WWOX: variants seen among roughly 807,000 people sequenced by gnomAD.
The protein encoded by WWOX is WW domain containing oxidoreductase.
WWOX carries 69 observed loss-of-function variants against 46.2 expected under a neutral mutation model. That is an observed-to-expected ratio of 1.49 (90% CI 1.23 to 1.82). The LOEUF (loss-of-function observed/expected upper bound fraction) is 1.82, where lower values mean the gene tolerates loss of function less well. WWOX is among the 40% of genes most tolerant of loss of function. WWOX has a pLI of 0.00. For missense variants in WWOX, 919 were observed against 542.6 expected, an observed-to-expected ratio of 1.69 and a Z score of -6.89; for synonymous variants, 359 against 202.6, an observed-to-expected ratio of 1.77 and a Z score of -6.56.
At chr16:79,062,366 T>C (rs2048371368) in intron 8 of WWOX, among the ~76,000 whole-genome samples, 1 of 152,328 alleles carries the variant, frequency 6.6e-6, no homozygotes, top group South Asian at 2.1e-4. Flanking sequence ...GACCTCATAA[T>C]AGTCGTGGAG....
chr16:78,191,832 A>G (rs1439794486), intron 5 of WWOX, among the ~76,000 whole-genome samples: 1 of 152,220 alleles, frequency 6.6e-6, no homozygotes, highest in Non-Finnish European at 1.5e-5. Context: ...TTTACAGGAT[A>G]TTTGATCATA....
At chr16:78,955,810 G>T (rs1474184993) in intron 8 of WWOX, among the ~76,000 whole-genome samples, 1 of 149,702 alleles carries the variant, frequency 6.7e-6, no homozygotes, top group Non-Finnish European at 1.5e-5. Context: ...ACCACCTCTG[G>T]CTAATTTATT....
At chr16:78,431,869 A>G (rs1177870581) in intron 7 of WWOX, among the ~76,000 whole-genome samples, 2 of 152,044 alleles carry the variant, frequency 1.3e-5, no homozygotes, top group Non-Finnish European at 2.9e-5. Context: ...GGCATGTGCC[A>G]AAATACTCAA....
intron 5 of WWOX, among the ~76,000 whole-genome samples, chr16:78,227,754 G>A (rs1190817978): frequency 6.6e-6 from 1 of 152,112 alleles, no homozygotes; most frequent in Non-Finnish European, 1.5e-5. Flanking sequence ...GCGCAAACCT[G>A]TAATCCCAGC....
At chr16:78,267,217 A>T (rs1423292038) in intron 5 of WWOX, 1 of 152,230 alleles carries the variant, frequency 6.6e-6, no homozygotes, top group Non-Finnish European at 1.5e-5. Context: ...ACATAGACAC[A>T]TACACACATG....
intron 8 of WWOX, among the ~76,000 whole-genome samples, chr16:78,731,663 G>C (rs970256548): frequency 6.6e-6 from 1 of 152,090 alleles, no homozygotes; most frequent in Admixed American, 6.6e-5. Context: ...AAGTACTCAT[G>C]TGTATGATCA....
At chr16:79,170,964 A>G (rs1597442807) in intron 8 of WWOX, among the ~76,000 whole-genome samples, 1 of 152,192 alleles carries the variant, frequency 6.6e-6, no homozygotes, top group African/African-American at 2.4e-5. Flanking sequence ...TCCTGCATGC[A>G]CACTCCCCAA....
chr16:79,185,918 G>A (rs1328812041), intron 8 of WWOX, among the ~76,000 whole-genome samples: 1 of 151,912 alleles, frequency 6.6e-6, no homozygotes, highest in African/African-American at 2.4e-5. Context: ...ATACGGTAAG[G>A]CATACATTTA....
At chr16:78,933,559 T>G (rs1442867761) in intron 8 of WWOX, among the ~76,000 whole-genome samples, 2 of 152,210 alleles carry the variant, frequency 1.3e-5, no homozygotes, top group Non-Finnish European at 2.9e-5. Flanking sequence ...CTTTAAGACA[T>G]GAATTAGCCC....
At chr16:79,132,687 C>T (rs2049905011) in intron 8 of WWOX, among the ~76,000 whole-genome samples, 1 of 151,700 alleles carries the variant, frequency 6.6e-6, no homozygotes, top group African/African-American at 2.4e-5. Context: ...TATATTGTCG[C>T]TTAAAAAAAA....
At chr16:78,762,206 C>T (rs1045850027) in intron 8 of WWOX, among the ~76,000 whole-genome samples, 1 of 152,160 alleles carries the variant, frequency 6.6e-6, no homozygotes, top group Admixed American at 6.5e-5. Flanking sequence ...CCAGGAATTT[C>T]CTCAGCCAAG....
intron 8 of WWOX, among the ~76,000 whole-genome samples, chr16:78,573,095 C>G (rs923960029): frequency 1.3e-5 from 2 of 152,088 alleles, no homozygotes; most frequent in African/African-American, 4.8e-5. Flanking sequence ...ACCACCCTGG[C>G]TAACATGATG....
chr16:79,129,140 G>C (rs769383336), intron 8 of WWOX, among the ~76,000 whole-genome samples: 2 of 151,990 alleles, frequency 1.3e-5, no homozygotes, highest in Non-Finnish European at 2.9e-5. Context: ...GTTGCCTCCT[G>C]TATCTCAGTA....
At chr16:78,952,250 C>T (rs1382142919) in intron 8 of WWOX, among the ~76,000 whole-genome samples, 1 of 152,118 alleles carries the variant, frequency 6.6e-6, no homozygotes, top group South Asian at 2.1e-4. Flanking sequence ...TATTTCAACT[C>T]AGTGGTCACT....
At chr16:78,715,967 A>G (rs1387294997) in intron 8 of WWOX, among the ~76,000 whole-genome samples, 3 of 152,038 alleles carry the variant, frequency 2.0e-5, no homozygotes, top group Non-Finnish European at 4.4e-5. Context: ...AATGTCCACC[A>G]CCAGAGGTAT....
chr16:78,328,832 T>TTCTTTTG (rs59414488), intron 5 of WWOX, among the ~76,000 whole-genome samples: 2 of 150,384 alleles, frequency 1.3e-5, no homozygotes, highest in African/African-American at 4.9e-5. Context: ...GTGTTTTTCT[T>TTCTTTTG]TTTTCTTTTC....
chr16:79,168,394 A>G (rs549928586), intron 8 of WWOX, among the ~76,000 whole-genome samples: 6 of 152,316 alleles, frequency 3.9e-5, no homozygotes, highest in Admixed American at 3.3e-4. Flanking sequence ...TAGGCTTTTC[A>G]TTAAGTTCAT....
chr16:79,108,345 C>A lies in WWOX; in HGVS notation c.1057-103263C>A, dbSNP rs60123525. On this transcript the variant is annotated intron_variant, in intron 8 of 8. Transcript: ENST00000566780. ...GAGCTCTTGTTTCTAAATAGCTGAGCTGCGTATTAAGTATGGCTAACCACA... is the reference window on the plus strand; with the variant it reads ...GAGCTCTTGTTTCTAAATAGCTGAGATGCGTATTAAGTATGGCTAACCACA... Among the ~76,000 whole-genome samples, 534 of 152,336 alleles carry A rather than the reference C, an allele frequency of 3.5e-3. 4 individuals are homozygous for A. Among genetic ancestry groups the A allele is most frequent in the African/African-American group, 0.012 (503 of 41,592 alleles).
chr16:78,900,478 C>G lies in WWOX; in HGVS notation c.1057-311130C>G, dbSNP rs181921698. On this transcript the variant is annotated intron_variant, in intron 8 of 8. Coordinates refer to ENST00000566780, the MANE Select transcript of WWOX (RefSeq NM_016373.4). Reference sequence around the variant, plus strand: ...AGTGATTCATGAAACAGTGAAGATCCTGCCTCACAACTTTCAAGAAACCCA... The same window carrying G: ...AGTGATTCATGAAACAGTGAAGATCGTGCCTCACAACTTTCAAGAAACCCA... 8.3e-4 allele frequency among the ~76,000 whole-genome samples: 126 copies of G among 152,182 alleles called. No individual in the cohort carries two copies. The East Asian group carries it at 0.019, about 23-fold the overall frequency.
Sources: gnomAD v4.1 joint callset for allele counts (sites outside exome capture counted in the v4.1 genomes callset) on GRCh38, gnomAD v4.1.1 for gene constraint, MANE v1.5 for transcripts, NCBI Gene and HGNC (gene_info 2026-07-23, HGNC 2026-07-21) for gene names.